The following GXYLT2 variants were observed in gnomAD, a reference collection of about 807,000 sequenced individuals.
GXYLT2 encodes the protein glycosyltransferase 8 domain containing 4.
Under a neutral mutation model 45.8 loss-of-function variants are expected in GXYLT2, and 53 were observed. The ratio of observed to expected loss-of-function variants is 1.16; its 90% CI spans 0.93 to 1.46. The LOEUF is 1.46. GXYLT2 is among the 40% of genes most tolerant of loss of function. GXYLT2 has a pLI of 0.00. For synonymous variants in GXYLT2, 219 were observed against 214.2 expected, an observed-to-expected ratio of 1.02 and a Z score of -0.19; for missense variants, 551 against 544.4, an observed-to-expected ratio of 1.01 and a Z score of -0.12.
At chr3:72,962,830 C>A (rs1399048681) in intron 5 of GXYLT2, among the ~76,000 whole-genome samples, 1 of 152,006 alleles carries the variant, frequency 6.6e-6, no homozygotes, top group East Asian at 1.9e-4. Context: ...GAGAGAAGAG[C>A]TTCCTTAGAT....
At chr3:72,951,793 GT>G (rs926732077) in intron 3 of GXYLT2, among the ~76,000 whole-genome samples, 2 of 151,796 alleles carry the variant, frequency 1.3e-5, no homozygotes, top group Non-Finnish European at 2.9e-5. Flanking sequence ...TTCAAATTCT[GT>G]TTTTTTGTTT....
Position 72,888,442 on chromosome 3 carries a change from G to A in GXYLT2, c.209G>A (p.Arg70His). 2.5e-6 allele frequency: 3 copies of A among 1,183,466 alleles called. No individual in the cohort carries two copies. The highest frequency in any genetic ancestry group is 2.8e-5 in the South Asian group (1 of 35,594). 73.3% of individuals were successfully genotyped at this position (1,183,466 alleles called of 1,614,324 possible). ...LPGASPGVRR[R>H]RPPRPRPRAG... is the part of the protein sequence containing the mutation. ...GGGGCCAGCCCGGGAGTTCGGAGGC[G>A]CCGGCCCCCGCGTCCGCGCCCCCGA... The change falls in exon 1 of 7, where the codon CGC becomes CAC. Residue 70 changes from arginine to histidine, a missense_variant. Physicochemically the swap from Arg to His is conservative, Grantham distance 29 (BLOSUM62 0). Transcript: ENST00000389617.
At position 72,942,452 on chromosome 3, in the gene GXYLT2, A is replaced by G. The variant is rs955656489; in HGVS notation, c.601-12646A>G. On this transcript the variant is annotated intron_variant, in intron 3 of 6. Coordinates refer to ENST00000389617, the MANE Select transcript of GXYLT2 (RefSeq NM_001080393.2). ...GTGAATGCTAAAATTAAGGAGTGAA[A>G]GTTTAACCAGAAACATGATATTTGT... 5.3e-5 allele frequency among the ~76,000 whole-genome samples: 8 copies of G among 152,266 alleles called. No homozygotes were observed. The East Asian group carries it at 1.4e-3, about 26-fold the overall frequency.
At chr3:72,940,678 TTTTGTTTG>T (rs937541979) in intron 3 of GXYLT2, among the ~76,000 whole-genome samples, 1 of 152,154 alleles carries the variant, frequency 6.6e-6, no homozygotes, top group East Asian at 1.9e-4. Context: ...ACAACTCGTG[TTTTGTTTG>T]TTTGTTTGTT....
chr3:72,950,430 C>T (rs1710499620), intron 3 of GXYLT2, among the ~76,000 whole-genome samples: 1 of 152,070 alleles, frequency 6.6e-6, no homozygotes, highest in Non-Finnish European at 1.5e-5. Flanking sequence ...CATTGCACTC[C>T]AGCCCAGGCG....
At chr3:72,892,300 C>A (rs750573169) in intron 1 of GXYLT2, among the ~76,000 whole-genome samples, 2 of 152,152 alleles carry the variant, frequency 1.3e-5, no homozygotes, top group African/African-American at 4.8e-5. Flanking sequence ...TCCATCCTAG[C>A]GCTCTTACTG....
Position 72,918,699 on chromosome 3 carries a change from C to T in GXYLT2, c.469-3505C>T, listed in dbSNP as rs558461800. Among the ~76,000 whole-genome samples the T allele has an allele frequency of 1.2e-3, 187 of 151,908 alleles. 1 individual carries two copies. Among genetic ancestry groups the T allele is most frequent in the Admixed American group, 4.3e-3 (65 of 15,230 alleles). On this transcript the variant is annotated intron_variant, in intron 2 of 6. Transcript: ENST00000389617. ...AAAATTAGCTGGGCATAGTAGTGCG[C>T]GTCTACTCGGGAGGCTACTCGGGTA...
intron 1 of GXYLT2, among the ~76,000 whole-genome samples, chr3:72,897,199 A>G (rs1016290823): frequency 6.6e-6 from 1 of 152,216 alleles, no homozygotes. Context: ...ATCTGTTTGT[A>G]TCACTTAGTC....
At position 72,975,645 on chromosome 3, in the gene GXYLT2, C is replaced by G. The variant is rs2107165118; in HGVS notation, c.*486C>G. On this transcript the variant is annotated 3_prime_UTR_variant, in exon 7 of 7. Coordinates refer to ENST00000389617, the MANE Select transcript of GXYLT2 (RefSeq NM_001080393.2). Reference sequence around the variant, plus strand: ...CATCAAGATTAGATTAGCCATAATCCTATTGACCAGTGGAAAAGATTGTTT... The same window carrying G: ...CATCAAGATTAGATTAGCCATAATCGTATTGACCAGTGGAAAAGATTGTTT... 6.5e-6 allele frequency: 1 copy of G among 152,676 alleles called. No individual in the cohort carries two copies. Among genetic ancestry groups the G allele is most frequent in the Middle Eastern group, 3.4e-3 (1 of 298 alleles). The allele number at this position is 152,676 out of a possible 1,614,324, so 9.5% of individuals were successfully genotyped here. A position where few individuals can be genotyped will look rare whatever the true frequency, so the allele number is the denominator to read the frequency against.
chr3:72,949,502 C>CTTTTTTTTTTTTTTTTTTTT (rs56323434), intron 3 of GXYLT2, among the ~76,000 whole-genome samples: 2 of 72,610 alleles, frequency 2.8e-5, no homozygotes, highest in Non-Finnish European at 4.6e-5. Flanking sequence ...CTTTCTTTTT[C>CTTTTTTTTTTTTTTTTTTTT]TTTTTTTTTT....
chr3:72,922,593 T>C (rs1365115086), intron 3 of GXYLT2, among the ~76,000 whole-genome samples: 1 of 152,204 alleles, frequency 6.6e-6, no homozygotes, highest in Non-Finnish European at 1.5e-5. Flanking sequence ...CATTATTTAC[T>C]GGCTCCTGTG....
chr3:72,895,017 G>A (rs1309768013), intron 1 of GXYLT2, among the ~76,000 whole-genome samples: 1 of 152,166 alleles, frequency 6.6e-6, no homozygotes, highest in East Asian at 1.9e-4. Flanking sequence ...CTTGAACCTG[G>A]TGCTTTCCCC....
chr3:72,966,659 T>G (rs1382417441), intron 5 of GXYLT2, among the ~76,000 whole-genome samples: 2 of 150,414 alleles, frequency 1.3e-5, no homozygotes, highest in African/African-American at 2.4e-5. Flanking sequence ...TGAGACAGTC[T>G]TATTTTGTTG....
Position 72,955,231 on chromosome 3 carries a change from A to G in GXYLT2, c.734A>G (p.Glu245Gly). The stretch of plus-strand genomic sequence containing the variant: ...CTTGCAGCCATGGCCCCTGAGCACG[A>G]AATCCCCAAGATTGGCTGGTACAGC... Reference protein sequence around the residue: ...TQLAAMAPEHEIPKIGWYSRF... With the variant: ...TQLAAMAPEHGIPKIGWYSRF... Residue 245 changes from glutamate (E) to glycine (G), a missense_variant, in exon 4 of 7, where the codon GAA (glutamate) becomes GGA (glycine). Coordinates refer to ENST00000389617, the MANE Select transcript of GXYLT2 (RefSeq NM_001080393.2). 5.0e-6 allele frequency: 8 copies of G among 1,614,046 alleles called. No homozygotes were observed. The highest frequency in any genetic ancestry group is 6.8e-6 in the Non-Finnish European group (8 of 1,179,902).
chr3:72,904,838 C>T lies in GXYLT2; in HGVS notation c.276-3529C>T, dbSNP rs12490170. 8.8e-3 allele frequency among the ~76,000 whole-genome samples: 1,290 copies of T among 145,928 alleles called. 16 individuals carry two copies. The highest frequency in any genetic ancestry group is 0.03 in the African/African-American group (1,174 of 38,942). ...GGCGGATCACTTGAGGCGAGGCATT[C>T]GAGACCAGCCTGGCAAAACCCCATC... On this transcript the variant is annotated intron_variant, in intron 1 of 6. Coordinates refer to ENST00000389617, the MANE Select transcript of GXYLT2 (RefSeq NM_001080393.2).
intron 5 of GXYLT2, among the ~76,000 whole-genome samples, chr3:72,959,140 G>A (rs1710716480): frequency 9.0e-6 from 1 of 111,614 alleles, no homozygotes; most frequent in Non-Finnish European, 1.7e-5. Flanking sequence ...TTTTTTGAGA[G>A]GGAGTCTTGC....
At chr3:72,968,347 G>C (rs1710909182) in intron 6 of GXYLT2, among the ~76,000 whole-genome samples, 3 of 152,182 alleles carry the variant, frequency 2.0e-5, no homozygotes, top group African/African-American at 7.2e-5. Context: ...ATCAAGATTA[G>C]ACAATAAAAA....
rs1278332623 is a variant in GXYLT2, at chr3:72,888,272, C to A, written c.39C>A (p.Leu13=). The A allele has an allele frequency of 1.0e-6, 1 of 994,204 alleles. No individual in the cohort carries two copies. The highest frequency in any genetic ancestry group is 4.4e-5 in the South Asian group (1 of 22,890). 61.6% of individuals were successfully genotyped at this position (994,204 alleles called of 1,614,324 possible). Residue 13 remains leucine (L), a synonymous_variant, in exon 1 of 7, where the codon CTC becomes CTA. Coordinates refer to ENST00000389617, the MANE Select transcript of GXYLT2 (RefSeq NM_001080393.2). ...LRSKAAALLL[L]ALAALLLALL... Reference sequence around the variant, plus strand: ...GCAAGGCGGCGGCGCTGCTCTTGCTCGCGCTGGCCGCGCTGCTGCTGGCGC... The same window carrying A: ...GCAAGGCGGCGGCGCTGCTCTTGCTAGCGCTGGCCGCGCTGCTGCTGGCGC...
At chr3:72,963,984 A>G (rs890677647) in intron 5 of GXYLT2, among the ~76,000 whole-genome samples, 2 of 150,498 alleles carry the variant, frequency 1.3e-5, no homozygotes, top group East Asian at 2.0e-4. Context: ...CAAATTTTTT[A>G]ATTTTGTAGA....
Sources: gnomAD v4.1 joint callset for allele counts (sites outside exome capture counted in the v4.1 genomes callset) on GRCh38, gnomAD v4.1.1 for gene constraint, MANE v1.5 for transcripts, NCBI Gene and HGNC (gene_info 2026-07-23, HGNC 2026-07-21) for gene names.